Variants in PMS1 observed in about 807,000 individuals in gnomAD.
The protein encoded by PMS1 is PMS1 protein homolog 1.
In PMS1, 79 loss-of-function variants were observed where a neutral mutation model predicts 93.1. That is an observed-to-expected ratio of 0.85 (90% CI 0.71 to 1.02). The LOEUF (loss-of-function observed/expected upper bound fraction) is 1.02, where lower values mean the gene tolerates loss of function less well. Ranked by LOEUF, PMS1 falls within the 50% of genes least tolerant of loss-of-function variation. The probability of loss-of-function intolerance (pLI) is 0.00; values close to 1 mark genes in which losing one functional copy is unlikely to be tolerated. For missense variants in PMS1, 1,064 were observed against 1,085.3 expected, an observed-to-expected ratio of 0.98 and a Z score of 0.28; for synonymous variants, 335 against 363.4, an observed-to-expected ratio of 0.92 and a Z score of 0.89.
At chr2:189,832,324 A>G (rs1559272570) in intron 5 of PMS1, among the ~76,000 whole-genome samples, 1 of 152,224 alleles carries the variant, frequency 6.6e-6, no homozygotes, top group African/African-American at 2.4e-5. Context: ...AAAGGCTGAA[A>G]TCAAATACTG....
At chr2:189,838,223 C>G (rs2053547878) in intron 5 of PMS1, among the ~76,000 whole-genome samples, 1 of 151,974 alleles carries the variant, frequency 6.6e-6, no homozygotes, top group South Asian at 2.1e-4. Flanking sequence ...TTCCTTAGGT[C>G]AAGTAGTAGA....
chr2:189,863,849 A>C lies in PMS1; in HGVS notation c.1963A>C (p.Lys655Gln). 1 of 1,614,120 alleles carries C rather than the reference A, an allele frequency of 6.2e-7. No homozygotes were observed. ...ACTAAAAGATGGCAGAAAAAAGATAAAACCCACCAGCGCATGGAATTTGGC... is the reference window on the plus strand; with the variant it reads ...ACTAAAAGATGGCAGAAAAAAGATACAACCCACCAGCGCATGGAATTTGGC... ...MSLKDGRKKI[K>Q]PTSAWNLAQK... Residue 655 changes from lysine to glutamine, a missense_variant, in exon 10 of 13, where the codon AAA (lysine) becomes CAA (glutamine). Transcript: ENST00000441310.
In PMS1 at chr2:189,877,625, A is replaced by G. The variant is rs767117479; in HGVS notation, c.*189A>G. On this transcript the variant is annotated 3_prime_UTR_variant, in exon 13 of 13. Coordinates refer to ENST00000441310, the MANE Select transcript of PMS1 (RefSeq NM_000534.5). ...AAACGTAAATAAACTAATATAGACT[A>G]TTCATTTGATTCTCAAGAACCAACC... 3 of 544,512 alleles carry G rather than the reference A, an allele frequency of 5.5e-6. No homozygotes were observed. Among genetic ancestry groups the G allele is most frequent in the East Asian group, 5.9e-5 (2 of 33,942 alleles). 33.7% of individuals were successfully genotyped at this position (544,512 alleles called of 1,614,324 possible).
At chr2:189,818,211 G>T in intron 5 of PMS1, 31 bp downstream of exon 5, 1 of 1,391,944 alleles carries the variant, frequency 7.2e-7, no homozygotes, top group Admixed American at 1.7e-5. Flanking sequence ...ATAAGTTTCT[G>T]GGTATATGAT....
At chr2:189,811,090 T>G (rs1032469290) in intron 4 of PMS1, among the ~76,000 whole-genome samples, 5 of 151,692 alleles carry the variant, frequency 3.3e-5, no homozygotes, top group African/African-American at 9.7e-5. Context: ...AAATGAAAAT[T>G]CTAGAACAAA....
chr2:189,821,227 T>C lies in PMS1; in HGVS notation c.582+3047T>C, dbSNP rs576571471. ...ATCCCAGCACTTTGGGAGGCTGAGG[T>C]GAGTGGATCACGAGGTCAGGAGATC... On this transcript the variant is annotated intron_variant, in intron 5 of 12. Coordinates refer to ENST00000441310, the MANE Select transcript of PMS1 (RefSeq NM_000534.5). Among the ~76,000 whole-genome samples, 48 of 151,204 alleles carry C rather than the reference T, an allele frequency of 3.2e-4. 1 individual carries two copies. Among genetic ancestry groups the C allele is most frequent in the African/African-American group, 1.1e-3 (44 of 41,206 alleles).
intron 6 of PMS1, among the ~76,000 whole-genome samples, chr2:189,852,245 A>G (rs1459985745): frequency 6.6e-6 from 1 of 152,150 alleles, no homozygotes; most frequent in Non-Finnish European, 1.5e-5. Flanking sequence ...AGAAACAGCA[A>G]CTTCTTTATA....
chr2:189,838,024 T>A (rs1356374768), intron 5 of PMS1, among the ~76,000 whole-genome samples: 1 of 152,226 alleles, frequency 6.6e-6, no homozygotes, highest in Non-Finnish European at 1.5e-5. Flanking sequence ...GAGTCACTGA[T>A]GATGGATATA....
intron 1 of PMS1, among the ~76,000 whole-genome samples, chr2:189,788,497 T>C (rs5742961): frequency 6.6e-6 from 1 of 152,200 alleles, no homozygotes; most frequent in Non-Finnish European, 1.5e-5. Context: ...GTGTTACATA[T>C]CTGTTAGTGT....
At chr2:189,796,367 T>A (rs934870987) in intron 3 of PMS1, among the ~76,000 whole-genome samples, 2 of 152,128 alleles carry the variant, frequency 1.3e-5, no homozygotes, top group African/African-American at 4.8e-5. Flanking sequence ...CTCAAAAAAA[T>A]ATATATATAC....
chr2:189,846,269 T>C (rs2054246495), intron 6 of PMS1, among the ~76,000 whole-genome samples: 1 of 151,906 alleles, frequency 6.6e-6, no homozygotes, highest in Admixed American at 6.6e-5. Flanking sequence ...CCCAGCACTT[T>C]GGGAAGCCAA....
chr2:189,853,272 T>C (rs1326719675), intron 7 of PMS1, among the ~76,000 whole-genome samples: 1 of 151,996 alleles, frequency 6.6e-6, no homozygotes, highest in Non-Finnish European at 1.5e-5. Flanking sequence ...GCCAGGCTGG[T>C]CTCGAACTCC....
At chr2:189,807,360 T>G (rs2050433370) in intron 4 of PMS1, among the ~76,000 whole-genome samples, 1 of 152,170 alleles carries the variant, frequency 6.6e-6, no homozygotes, top group Admixed American at 6.5e-5. Flanking sequence ...AGATTATAAT[T>G]CTTTTACTGT....
At chr2:189,854,196 A>G in intron 8 of PMS1, 43 bp from the exon 9 acceptor site, 1 of 1,472,162 alleles carries the variant, frequency 6.8e-7, no homozygotes, top group Non-Finnish European at 9.3e-7. Context: ...CTTGTCTATT[A>G]TTTTCATAAT....
chr2:189,807,923 C>T (rs1293067988), intron 4 of PMS1, among the ~76,000 whole-genome samples: 1 of 152,136 alleles, frequency 6.6e-6, no homozygotes, highest in East Asian at 1.9e-4. Context: ...GTTAGGAAAA[C>T]AGCAGAAAGT....
intron 6 of PMS1, among the ~76,000 whole-genome samples, chr2:189,849,421 A>G (rs2054512188): frequency 1.3e-5 from 2 of 151,966 alleles, no homozygotes; most frequent in Admixed American, 1.3e-4. Flanking sequence ...TATAGCTACC[A>G]ATTCTAATTT....
intron 9 of PMS1, among the ~76,000 whole-genome samples, chr2:189,857,956 A>T (rs558807477): frequency 6.6e-6 from 1 of 152,228 alleles, no homozygotes; most frequent in East Asian, 1.9e-4. Context: ...ACATGGTGTT[A>T]TTAAGGAAAT....
At chr2:189,852,594 T>C (rs1280888230) in intron 6 of PMS1, 61 bp from the exon 7 acceptor site, 21 of 1,465,184 alleles carry the variant, frequency 1.4e-5, no homozygotes, top group Non-Finnish European at 1.8e-5. Flanking sequence ...CAAAGTGTTA[T>C]ATATAGCCAG....
At chr2:189,823,203 A>G (rs7600993) in intron 5 of PMS1, among the ~76,000 whole-genome samples, 5,034 of 151,964 alleles carry the variant, frequency 0.033, 282 homozygotes, top group African/African-American at 0.12. Context: ...AAACTCACAG[A>G]TTTGGGTTTT....
Sources: allele counts gnomAD v4.1 joint callset (sites outside exome capture counted in the v4.1 genomes callset), GRCh38; gene constraint gnomAD v4.1.1; transcripts MANE v1.5; gene names NCBI Gene and HGNC (gene_info 2026-07-23, HGNC 2026-07-21).